REC114: variants seen among roughly 807,000 people sequenced by gnomAD.
The protein encoded by REC114 is meiotic recombination protein REC114.
Under a neutral mutation model 31.3 loss-of-function variants are expected in REC114, and 27 were observed. The observed-to-expected ratio is 0.86, with a 90% CI of 0.64 to 1.19. The LOEUF (loss-of-function observed/expected upper bound fraction) is 1.19, where lower values mean the gene tolerates loss of function less well. Ranked by LOEUF, REC114 falls within the 50% of genes most tolerant of loss-of-function variation. REC114 has a pLI of 0.00. For missense variants in REC114, 344 were observed against 326.9 expected, an observed-to-expected ratio of 1.05 and a Z score of -0.40; for synonymous variants, 134 against 127.7, an observed-to-expected ratio of 1.05 and a Z score of -0.33.
intron 2 of REC114, among the ~76,000 whole-genome samples, chr15:73,478,941 A>T (rs1378123240): frequency 2.6e-5 from 4 of 152,164 alleles, no homozygotes; most frequent in Non-Finnish European, 2.9e-5. Flanking sequence ...TTAGTTCTGC[A>T]GCTTTTTTGT....
At chr15:73,532,098 A>G (rs1894093653) in intron 2 of REC114, among the ~76,000 whole-genome samples, 1 of 150,870 alleles carries the variant, frequency 6.6e-6, no homozygotes, top group South Asian at 2.1e-4. Flanking sequence ...CTCGTCATCT[A>G]GCATTAGGTA....
chr15:73,556,661 T>G (rs1894472852), intron 5 of REC114, among the ~76,000 whole-genome samples: 1 of 152,126 alleles, frequency 6.6e-6, no homozygotes, highest in Non-Finnish European at 1.5e-5. Flanking sequence ...TGGTTGAATG[T>G]CCAATATAGA....
At chr15:73,522,827 A>G (rs1893954099) in intron 2 of REC114, among the ~76,000 whole-genome samples, 1 of 152,222 alleles carries the variant, frequency 6.6e-6, no homozygotes, top group African/African-American at 2.4e-5. Context: ...TTGTTGGTAT[A>G]TTCTTAACTA....
chr15:73,476,537 A>G (rs1893217616), intron 2 of REC114, among the ~76,000 whole-genome samples: 1 of 152,214 alleles, frequency 6.6e-6, no homozygotes, highest in African/African-American at 2.4e-5. Flanking sequence ...ATTTTGAAGT[A>G]TATATACATT....
intron 3 of REC114, among the ~76,000 whole-genome samples, chr15:73,547,693 A>G (rs1005028401): frequency 3.9e-5 from 6 of 152,236 alleles, no homozygotes; most frequent in African/African-American, 1.2e-4. Context: ...CTTATACACA[A>G]TGGAGTACTA....
chr15:73,474,408 T>C (rs952746742), intron 2 of REC114, among the ~76,000 whole-genome samples: 1 of 152,142 alleles, frequency 6.6e-6, no homozygotes, highest in Non-Finnish European at 1.5e-5. Flanking sequence ...AATGAAGAAA[T>C]ATGTAAAGAA....
At chr15:73,483,902 C>T (rs542644464) in intron 2 of REC114, 36 of 152,240 alleles carry the variant, frequency 2.4e-4, no homozygotes, top group Non-Finnish European at 4.4e-4. Context: ...GGGTCACTGC[C>T]TGGGTCCAAT....
chr15:73,516,040 G>A (rs548654660), intron 2 of REC114, among the ~76,000 whole-genome samples: 2 of 151,114 alleles, frequency 1.3e-5, no homozygotes, highest in East Asian at 3.9e-4. Context: ...AGGCTGGAGT[G>A]CAATGGCACA....
intron 2 of REC114, among the ~76,000 whole-genome samples, chr15:73,507,895 A>G (rs1373570137): frequency 6.6e-6 from 1 of 151,736 alleles, no homozygotes; most frequent in Non-Finnish European, 1.5e-5. Context: ...AAGCTTGGAC[A>G]TAACCTTCTC....
rs151067757 is a variant in REC114 at position 73,501,688 on chromosome 15, A to C, written c.249+27767A>C. ...TCCGTCTCCTGACCTCAATTGATCC[A>C]CTCACCTCAGTCTCCCAAAGTGCTA... On this transcript the variant is annotated intron_variant, in intron 2 of 5. Coordinates refer to ENST00000331090, the MANE Select transcript of REC114 (RefSeq NM_001042367.2). 3.5e-3 allele frequency among the ~76,000 whole-genome samples: 529 copies of C among 152,080 alleles called. 3 individuals are homozygous for C. The highest frequency in any genetic ancestry group is 0.012 in the African/African-American group (479 of 41,490).
chr15:73,508,665 A>G (rs1050663081), intron 2 of REC114, among the ~76,000 whole-genome samples: 10 of 138,126 alleles, frequency 7.2e-5, no homozygotes, highest in Non-Finnish European at 1.5e-4. Context: ...TCATTGTTCA[A>G]TTCCCACCTA....
intron 2 of REC114, among the ~76,000 whole-genome samples, chr15:73,493,188 T>C (rs1363603952): frequency 6.6e-6 from 1 of 152,084 alleles, no homozygotes; most frequent in Non-Finnish European, 1.5e-5. Context: ...CCAGCTAATA[T>C]TTCTAATTTT....
At chr15:73,468,445 T>A (rs75571862) in intron 1 of REC114, among the ~76,000 whole-genome samples, 316 of 152,332 alleles carry the variant, frequency 2.1e-3, no homozygotes, top group Non-Finnish European at 3.1e-3. Flanking sequence ...GTAACCTTTC[T>A]AAAATTCACT....
intron 2 of REC114, among the ~76,000 whole-genome samples, chr15:73,521,525 C>T (rs898403665): frequency 6.6e-6 from 1 of 150,784 alleles, no homozygotes; most frequent in South Asian, 2.1e-4. Flanking sequence ...AAATGTATAA[C>T]AAAAAAAATC....
chr15:73,535,918 A>G (rs1239641266), intron 2 of REC114, among the ~76,000 whole-genome samples: 1 of 150,664 alleles, frequency 6.6e-6, no homozygotes, highest in Non-Finnish European at 1.5e-5. Flanking sequence ...AAAAACAAGC[A>G]ATGGGGAAAG....
chr15:73,518,739 G>A (rs1893896695), intron 2 of REC114, among the ~76,000 whole-genome samples: 1 of 152,150 alleles, frequency 6.6e-6, no homozygotes, highest in Non-Finnish European at 1.5e-5. Context: ...TATTTTAGCG[G>A]TAAAAAGAAG....
At chr15:73,481,466 A>G (rs1259797783) in intron 2 of REC114, among the ~76,000 whole-genome samples, 1 of 152,058 alleles carries the variant, frequency 6.6e-6, no homozygotes, top group African/African-American at 2.4e-5. Context: ...AAGGGTTAAT[A>G]TAGCAAGAAG....
intron 3 of REC114, among the ~76,000 whole-genome samples, chr15:73,549,939 A>G (rs1894364902): frequency 6.6e-6 from 1 of 152,172 alleles, no homozygotes; most frequent in Non-Finnish European, 1.5e-5. Flanking sequence ...AAAATCAAGG[A>G]CTATTTATTT....
chr15:73,533,968 A>G (rs1894121014), intron 2 of REC114, among the ~76,000 whole-genome samples: 1 of 108,328 alleles, frequency 9.2e-6, no homozygotes, highest in African/African-American at 3.8e-5. Flanking sequence ...AGGCAGAAAT[A>G]AAGATGTTCT....
Sources: allele counts gnomAD v4.1 joint callset (sites outside exome capture counted in the v4.1 genomes callset), GRCh38; gene constraint gnomAD v4.1.1; transcripts MANE v1.5; gene names NCBI Gene and HGNC (gene_info 2026-07-23, HGNC 2026-07-21).